The following ARF1 variants were observed in gnomAD, a reference collection of about 807,000 sequenced individuals.
ARF1 encodes the protein ADP-ribosylation factor 1.
A neutral mutation model predicts 18.0 loss-of-function variants in ARF1; 1 was observed. The observed-to-expected ratio is 0.06, with a 90% CI of 0.02 to 0.26. ARF1 has a LOEUF of 0.26. Ranked by LOEUF, ARF1 falls within the 10% of genes least tolerant of loss-of-function variation. The pLI, the probability that ARF1 is intolerant of heterozygous loss-of-function variation, is 1.00. For synonymous variants in ARF1, 112 were observed against 96.3 expected, an observed-to-expected ratio of 1.16 and a Z score of -0.95; for missense variants, 73 against 247.2, an observed-to-expected ratio of 0.30 and a Z score of 4.73.
At chr1:228,084,140 C>T (rs141980219) in intron 1 of ARF1, among the ~76,000 whole-genome samples, 93 of 152,334 alleles carry the variant, frequency 6.1e-4, no homozygotes, top group Non-Finnish European at 1.1e-3. Context: ...TTGCGTTAGC[C>T]ATTGTCTAAC....
Position 228,099,042 on chromosome 1 carries a change from A to G in ARF1, c.*1029A>G, listed in dbSNP as rs575222805. The G allele has an allele frequency of 2.6e-5, 4 of 152,736 alleles. No individual in the cohort carries two copies. The highest frequency in any genetic ancestry group is 4.1e-4 in the South Asian group (2 of 4,822). The allele number at this position is 152,736 out of a possible 1,614,324, so 9.5% of individuals were successfully genotyped here. A position where few individuals can be genotyped will look rare whatever the true frequency, so the allele number is the denominator to read the frequency against. ...GATAAACACTGAAGCTGGAGCTGTTAAATTTATCTTGGGGAAACCTCAGAA... is the reference window on the plus strand; with the variant it reads ...GATAAACACTGAAGCTGGAGCTGTTGAATTTATCTTGGGGAAACCTCAGAA... On this transcript the variant is annotated 3_prime_UTR_variant, in exon 5 of 5. Transcript: ENST00000272102.
intron 1 of ARF1, among the ~76,000 whole-genome samples, chr1:228,095,052 C>T (rs1173935953): frequency 1.3e-5 from 2 of 152,048 alleles, no homozygotes; most frequent in Admixed American, 6.6e-5. Context: ...TTAAGTTACT[C>T]CTCATCTTCC....
rs963235611 is a variant in ARF1, at chr1:228,089,819, C to T, written c.-38+7054C>T. 3.3e-5 allele frequency among the ~76,000 whole-genome samples: 5 copies of T among 152,146 alleles called. No homozygotes were observed. The highest frequency in any genetic ancestry group is 5.9e-5 in the Non-Finnish European group (4 of 68,028). On this transcript the variant is annotated intron_variant, in intron 1 of 4. Transcript: ENST00000272102. This position sits in a 1 kb window ranked among gnomAD's most constrained non-coding sequence, Gnocchi z 4.1. Reference sequence around the variant, plus strand: ...TCCCCCAGCCCCACACAATGGTGGGCCTATGTTCGTCCAGAACAGTGCCTG... The same window carrying T: ...TCCCCCAGCCCCACACAATGGTGGGTCTATGTTCGTCCAGAACAGTGCCTG...
intron 1 of ARF1, among the ~76,000 whole-genome samples, chr1:228,087,445 C>G (rs2032441871): frequency 6.6e-6 from 1 of 152,208 alleles, no homozygotes; most frequent in African/African-American, 2.4e-5. Context: ...AATACATCTT[C>G]TGGCAATTTT....
chr1:228,087,397 A>G (rs1015936969), intron 1 of ARF1, among the ~76,000 whole-genome samples: 10 of 152,220 alleles, frequency 6.6e-5, no homozygotes, highest in African/African-American at 2.4e-4. Context: ...TTGCTCACTC[A>G]CCAATCAAAT....
intron 1 of ARF1, among the ~76,000 whole-genome samples, chr1:228,084,257 C>G (rs2032320624): frequency 6.6e-6 from 1 of 152,164 alleles, no homozygotes; most frequent in African/African-American, 2.4e-5. Flanking sequence ...TAGCTGGGTC[C>G]AAAATTGAGA....
Position 228,097,240 on chromosome 1 carries a change from C to T in ARF1, c.126C>T (p.Ile42=), listed in dbSNP as rs375926182. 22 of 1,611,918 alleles carry T rather than the reference C, an allele frequency of 1.4e-5. No individual in the cohort carries two copies. Among genetic ancestry groups the T allele is most frequent in the African/African-American group, 2.7e-5 (2 of 74,894 alleles). ...TILYKLKLGE[I]VTTIPTIGFN... is the part of the protein sequence containing the mutation. The stretch of plus-strand genomic sequence containing the variant: ...TCTACAAGCTTAAGCTGGGTGAGAT[C>T]GTGACCACCATTCCCACCATAGGTG... The change falls in exon 2 of 5, where the codon ATC becomes ATT. Residue 42 remains isoleucine (I), a synonymous_variant. Coordinates refer to ENST00000272102, the MANE Select transcript of ARF1 (RefSeq NM_001658.4). This position sits in a 1 kb window ranked among gnomAD's most constrained non-coding sequence, Gnocchi z 8.1.
chr1:228,084,632 C>T (rs2032336504), intron 1 of ARF1, among the ~76,000 whole-genome samples: 1 of 152,200 alleles, frequency 6.6e-6, no homozygotes, highest in South Asian at 2.1e-4. Flanking sequence ...ATTCAGACAT[C>T]TTCAACTGCT....
intron 1 of ARF1, chr1:228,090,407 G>T (rs3768329): frequency 0.062 from 9,511 of 152,336 alleles, 371 homozygotes; most frequent in East Asian, 0.11. Context: ...GGACGGGGCT[G>T]GTTGAAGTAC....
chr1:228,097,448 A>C lies in ARF1; in HGVS notation c.255A>C (p.Thr85=), dbSNP rs375556877. The part of the protein sequence containing the change: ...RPLWRHYFQN[T]QGLIFVVDSN... ...TGTGGCGCCACTACTTCCAGAACACACAAGGTAAGTGGCTGGGGCCTGGTC... is the reference window on the plus strand; with the variant it reads ...TGTGGCGCCACTACTTCCAGAACACCCAAGGTAAGTGGCTGGGGCCTGGTC... The change falls in exon 3 of 5, where the codon ACA becomes ACC. Residue 85 remains threonine, a synonymous_variant. Transcript: ENST00000272102. This position sits in a 1 kb window ranked among gnomAD's most constrained non-coding sequence, Gnocchi z 8.1. 64 of 1,613,936 alleles carry C rather than the reference A, an allele frequency of 4.0e-5. No homozygotes were observed. In the South Asian group the frequency reaches 6.8e-4, roughly 17 times the overall value.
rs1161289516 is a variant in ARF1 at position 228,097,808 on chromosome 1, C to G, written c.385-44C>G. On this transcript the variant is annotated intron_variant, in intron 4 of 4. Transcript: ENST00000272102. This position sits in a 1 kb window ranked among gnomAD's most constrained non-coding sequence, Gnocchi z 8.1. ...CTGGAGGCTGGTGGGGCCCCTTTCT[C>G]TGTCCTGTGGACAGCCCTTCCCACC... 1.9e-6 allele frequency: 3 copies of G among 1,595,864 alleles called. No homozygotes were observed. Among genetic ancestry groups the G allele is most frequent in the South Asian group, 2.3e-5 (2 of 88,656 alleles).
intron 1 of ARF1, among the ~76,000 whole-genome samples, chr1:228,086,286 C>T (rs1448819653): frequency 3.3e-5 from 5 of 152,004 alleles, no homozygotes; most frequent in Admixed American, 6.6e-5. Context: ...GAGGCTGAGG[C>T]GGGTGGATCA....
chr1:228,097,136 C>G lies in ARF1; in HGVS notation c.22C>G (p.Leu8Val). MGNIFAN[L>V]FKGLFGKKEM... The stretch of plus-strand genomic sequence containing the variant: ...AAGCATGGGGAACATCTTCGCCAAC[C>G]TCTTCAAGGGCCTTTTTGGCAAAAA... The change falls in exon 2 of 5, where the codon CTC becomes GTC. Residue 8 changes from leucine to valine, a missense_variant. By Grantham distance (32) the Leu-to-Val change is conservative (BLOSUM62 1). Around this residue, in one of 3 missense-constraint regions of ARF1, gnomAD observed 13 missense variants for 17.2 expected, o/e 0.75. Transcript: ENST00000272102. The surrounding 1 kb of genome is among the most constrained non-coding windows in gnomAD (Gnocchi z 8.1). 2 of 1,609,826 alleles carry G rather than the reference C, an allele frequency of 1.2e-6. No individual in the cohort carries two copies. Among genetic ancestry groups the G allele is most frequent in the Non-Finnish European group, 1.7e-6 (2 of 1,177,808 alleles).
chr1:228,097,463 G>C lies in ARF1; in HGVS notation c.259+11G>C. ...TCCAGAACACACAAGGTAAGTGGCT[G>C]GGGCCTGGTCCCATGGGCACTCCTG... On this transcript the variant is annotated intron_variant, in intron 3 of 4. Transcript: ENST00000272102. The surrounding 1 kb of genome is among the most constrained non-coding windows in gnomAD (Gnocchi z 8.1). 6.2e-7 allele frequency: 1 copy of C among 1,613,832 alleles called. No homozygotes were observed. Among genetic ancestry groups the C allele is most frequent in the African/African-American group, 1.3e-5 (1 of 75,014 alleles).
intron 1 of ARF1, among the ~76,000 whole-genome samples, chr1:228,087,566 A>C (rs950248377): frequency 6.6e-6 from 1 of 152,146 alleles, no homozygotes; most frequent in African/African-American, 2.4e-5. Context: ...ACTTGAACCT[A>C]GGAGGTCAAG....
rs1399252414 is a variant in ARF1 at position 228,097,219 on chromosome 1, C to T, written c.105C>T (p.Tyr35=). ...LDAAGKTTIL[Y]KLKLGEIVTT... The stretch of plus-strand genomic sequence containing the variant: ...CTGCAGGGAAGACCACGATCCTCTA[C>T]AAGCTTAAGCTGGGTGAGATCGTGA... The change falls in exon 2 of 5, where the codon TAC becomes TAT. Residue 35 remains tyrosine, a synonymous_variant. Coordinates refer to ENST00000272102, the MANE Select transcript of ARF1 (RefSeq NM_001658.4). This position sits in a 1 kb window ranked among gnomAD's most constrained non-coding sequence, Gnocchi z 8.1. The T allele has an allele frequency of 2.5e-6, 4 of 1,613,648 alleles. No homozygotes were observed. Among genetic ancestry groups the T allele is most frequent in the South Asian group, 1.1e-5 (1 of 90,992 alleles).
At position 228,098,254 on chromosome 1, in the gene ARF1, T is replaced by C; in HGVS notation, c.*241T>C. 2.4e-6 allele frequency: 1 copy of C among 418,702 alleles called. No homozygotes were observed. Among genetic ancestry groups the C allele is most frequent in the Non-Finnish European group, 4.2e-6 (1 of 240,718 alleles). 25.9% of individuals were successfully genotyped at this position (418,702 alleles called of 1,614,324 possible). Reference sequence around the variant, plus strand: ...TGCAATATTACTCAGCTTTTTTTATTGTAAAAAGAAAAATCAACTCACTGT... The same window carrying C: ...TGCAATATTACTCAGCTTTTTTTATCGTAAAAAGAAAAATCAACTCACTGT... On this transcript the variant is annotated 3_prime_UTR_variant, in exon 5 of 5. Transcript: ENST00000272102.
chr1:228,084,744 C>T (rs911698126), intron 1 of ARF1, among the ~76,000 whole-genome samples: 1 of 152,182 alleles, frequency 6.6e-6, no homozygotes. Flanking sequence ...TCAGCCGCTG[C>T]GGTGATCATG....
chr1:228,083,045 C>G (rs1571831821), intron 1 of ARF1: 1 of 152,420 alleles, frequency 6.6e-6, no homozygotes, highest in East Asian at 1.9e-4. Context: ...CTGCCTGTCC[C>G]TGCCCCCGCC....
Sources: gnomAD v4.1 joint callset for allele counts (sites outside exome capture counted in the v4.1 genomes callset) on GRCh38, gnomAD v4.1.1 for gene constraint, gnomAD v4.1.1 regional missense constraint, Gnocchi (gnomAD v3.1) non-coding constraint, MANE v1.5 for transcripts, NCBI Gene and HGNC (gene_info 2026-07-23, HGNC 2026-07-21) for gene names.